Variants in CDH26 observed in about 807,000 individuals in gnomAD.
CDH26 encodes cadherin-like protein 26.
Under a neutral mutation model 90.3 loss-of-function variants are expected in CDH26, and 83 were observed. The observed-to-expected ratio is 0.92, with a 90% confidence interval of 0.77 to 1.10. The LOEUF is 1.10. Among genes scored for constraint, CDH26 ranks in the 50% least tolerant of loss-of-function variants. The probability of loss-of-function intolerance (pLI) is 0.00; values close to 1 mark genes in which losing one functional copy is unlikely to be tolerated. For synonymous variants in CDH26, 397 were observed against 396.3 expected (o/e 1.00, Z -0.02); for missense variants, 1,013 against 1,037.6 (o/e 0.98, Z 0.33).
chr20:60,005,462 G>C (rs558165287), intron 16 of CDH26, among the ~76,000 whole-genome samples: 1 of 150,928 alleles, frequency 6.6e-6, no homozygotes, highest in Non-Finnish European at 1.5e-5. Flanking sequence ...GTCTGTATAT[G>C]TGCATGTGTA....
At chr20:60,007,709 G>A (rs934928128) in intron 17 of CDH26, among the ~76,000 whole-genome samples, 1 of 151,650 alleles carries the variant, frequency 6.6e-6, no homozygotes, top group Non-Finnish European at 1.5e-5. Context: ...GTTCACTTTC[G>A]TCTCATCTGC....
At chr20:59,976,788 C>T (rs1007328758) in intron 4 of CDH26, among the ~76,000 whole-genome samples, 1 of 151,804 alleles carries the variant, frequency 6.6e-6, no homozygotes, top group African/African-American at 2.4e-5. Context: ...GGTGGGACCA[C>T]GGTGATGGAA....
intron 8 of CDH26, among the ~76,000 whole-genome samples, chr20:60,031,976 G>A (rs1398166377): frequency 6.6e-6 from 1 of 152,202 alleles, no homozygotes; most frequent in Non-Finnish European, 1.5e-5. Context: ...TTATTAATAT[G>A]AAATGACACC....
At chr20:59,958,908 G>A (rs1271118739) in intron 1 of CDH26, 113 bp downstream of exon 1, 2 of 1,045,294 alleles carry the variant, frequency 1.9e-6, no homozygotes, top group Admixed American at 2.3e-5. Context: ...GTGACCTGCT[G>A]GGACCCAGGG....
At chr20:60,026,131 C>T (rs938424808) in intron 7 of CDH26, among the ~76,000 whole-genome samples, 3 of 152,112 alleles carry the variant, frequency 2.0e-5, no homozygotes, top group African/African-American at 7.2e-5. Context: ...TGCCTTAACC[C>T]GCTCTGGGAA....
At chr20:59,982,442 C>T (rs2061406182) in intron 4 of CDH26, among the ~76,000 whole-genome samples, 1 of 152,212 alleles carries the variant, frequency 6.6e-6, no homozygotes, top group African/African-American at 2.4e-5. Context: ...TATCCAAGTA[C>T]AGAAGTAACT....
At chr20:59,999,816 T>C (rs760719898) in intron 14 of CDH26, among the ~76,000 whole-genome samples, 153 bp downstream of exon 14, 6 of 152,188 alleles carry the variant, frequency 3.9e-5, no homozygotes, top group Non-Finnish European at 7.4e-5. Flanking sequence ...CAAAGCCCCA[T>C]GGTTCCCTTA....
intron 7 of CDH26, among the ~76,000 whole-genome samples, chr20:60,021,325 T>C (rs545451302): frequency 6.6e-6 from 1 of 152,346 alleles, no homozygotes; most frequent in African/African-American, 2.4e-5. Flanking sequence ...CACACAACCA[T>C]GCTCATTTGT....
At position 59,981,303 on chromosome 20, in the gene CDH26, C is replaced by T. The variant is rs893355862; in HGVS notation, c.394-1620C>T. ...AGTCTTTTGATTGGGATCATGCTGA[C>T]TTTATAGGTCAATTTGGAAAGAACT... is the stretch of plus-strand genomic sequence containing the variant. On this transcript the variant is annotated intron_variant, in intron 4 of 17. Transcript: ENST00000348616. 2.0e-5 allele frequency among the ~76,000 whole-genome samples: 3 copies of T among 152,096 alleles called. 1 individual carries two copies. The highest frequency in any genetic ancestry group is 1.5e-5 in the Non-Finnish European group (1 of 67,992).
Position 59,958,598 on chromosome 20 carries a change from C to CA in CDH26, c.-126dup, listed in dbSNP as rs2061027382. 1.2e-6 allele frequency: 1 copy of CA among 824,992 alleles called. No homozygotes were observed. Among genetic ancestry groups the CA allele is most frequent in the Non-Finnish European group, 2.0e-6 (1 of 493,758 alleles). 51.1% of individuals were successfully genotyped at this position (824,992 alleles called of 1,614,324 possible). ...CAAGATGGGATGAAAGCATCTGGGC[C>CA]AAAGTGACCTGAAAACCTTTAGAGA... On this transcript the variant is annotated 5_prime_UTR_variant, in exon 1 of 18. The change abolishes the stop of an existing upstream ORF in the 5' untranslated region. Coordinates refer to ENST00000348616, the MANE Select transcript of CDH26 (RefSeq NM_177980.4).
chr20:60,021,897 C>CACACACATAT (rs1295572684), intron 7 of CDH26, among the ~76,000 whole-genome samples: 4 of 78,938 alleles, frequency 5.1e-5, no homozygotes, highest in African/African-American at 8.0e-5. Context: ...CACACACACA[C>CACACACATAT]ATATATATAT....
At chr20:60,028,833 A>G (rs982486818) in intron 7 of CDH26, among the ~76,000 whole-genome samples, 1 of 152,220 alleles carries the variant, frequency 6.6e-6, no homozygotes, top group Admixed American at 6.5e-5. Context: ...ATTTCTGAGG[A>G]TATATTCAAA....
chr20:59,995,993 A>G lies in CDH26; in HGVS notation c.1827A>G (p.Ala609=), dbSNP rs1458489092. 2.5e-6 allele frequency: 4 copies of G among 1,614,056 alleles called. No homozygotes were observed. The highest frequency in any genetic ancestry group is 2.5e-6 in the Non-Finnish European group (3 of 1,180,046). ...TCACATGTGTGGAGCTTGCAGATGC[A>G]GAAGTGGGGCTTCATGTGGGGGCCC... ...SGLTCVELAD[A]EVGLHVGALF... Residue 609 remains alanine (A), a synonymous_variant, in exon 12 of 18, where the codon GCA becomes GCG. Coordinates refer to ENST00000348616, the MANE Select transcript of CDH26 (RefSeq NM_177980.4).
exon 9 of CDH26, chr20:60,033,571 C>T: frequency 7.7e-7 from 1 of 1,304,574 alleles, no homozygotes; most frequent in Non-Finnish European, 1.0e-6. Flanking sequence ...GGGTTCGAGT[C>T]CAGAGTGCGC....
chr20:59,991,383 C>G (rs1360536628), intron 9 of CDH26, among the ~76,000 whole-genome samples: 1 of 152,148 alleles, frequency 6.6e-6, no homozygotes, highest in Non-Finnish European at 1.5e-5. Flanking sequence ...AGGGTGGAGG[C>G]ATGATCTGGG....
chr20:60,002,808 T>G lies in CDH26; in HGVS notation c.2167-5T>G, dbSNP rs768801113. 6.9e-6 allele frequency: 11 copies of G among 1,590,364 alleles called. No individual in the cohort carries two copies. In the Admixed American group the frequency reaches 1.6e-4, roughly 22 times the overall value. On this transcript the variant is annotated splice_region_variant and splice_polypyrimidine_tract_variant and intron_variant, in intron 15 of 17. Coordinates refer to ENST00000348616, the MANE Select transcript of CDH26 (RefSeq NM_177980.4). ...AAATCAGTAAATATTTCATCTTTCTTTAAGGGTTATGGCAAGCCCTTTGAG... is the reference window on the plus strand; with the variant it reads ...AAATCAGTAAATATTTCATCTTTCTGTAAGGGTTATGGCAAGCCCTTTGAG...
At chr20:60,027,924 A>G (rs573816065) in intron 7 of CDH26, among the ~76,000 whole-genome samples, 4 of 152,364 alleles carry the variant, frequency 2.6e-5, no homozygotes, top group South Asian at 2.1e-4. Context: ...CAGATAATAC[A>G]AAGAGGTCTC....
At position 59,987,578 on chromosome 20, in the gene CDH26, G is replaced by A; in HGVS notation, c.963G>A (p.Glu321=). The A allele has an allele frequency of 6.2e-7, 1 of 1,613,920 alleles. No homozygotes were observed. The highest frequency in any genetic ancestry group is 8.5e-7 in the Non-Finnish European group (1 of 1,179,916). The stretch of plus-strand genomic sequence containing the variant: ...TCAACATATTGCATGGCAATGAAGA[G>A]GGGCATTTTGACATTTCGACTGACC... The part of the protein sequence containing the change: ...AKFNILHGNE[E]GHFDISTDPE... Residue 321 remains glutamate (E), a synonymous_variant, in exon 8 of 18, where the codon GAG becomes GAA. Coordinates refer to ENST00000348616, the MANE Select transcript of CDH26 (RefSeq NM_177980.4).
intron 4 of CDH26, among the ~76,000 whole-genome samples, chr20:59,979,915 C>T (rs1330071136): frequency 1.3e-5 from 2 of 152,034 alleles, no homozygotes; most frequent in African/African-American, 2.4e-5. Flanking sequence ...GTGTGAGCAA[C>T]CATACCCAGC....
Sources: gnomAD v4.1 joint callset for allele counts (sites outside exome capture counted in the v4.1 genomes callset) on GRCh38, gnomAD v4.1.1 for gene constraint, MANE v1.5 for transcripts, NCBI Gene and HGNC (gene_info 2026-07-23, HGNC 2026-07-21) for gene names.